TAFA2: variants seen among roughly 807,000 people sequenced by gnomAD.
TAFA2 encodes the protein chemokine-like protein TAFA-2.
Under a neutral mutation model 18.8 loss-of-function variants are expected in TAFA2, and 7 were observed. That is an observed-to-expected ratio of 0.37 (90% CI 0.21 to 0.70). The LOEUF (loss-of-function observed/expected upper bound fraction) is 0.70. Ranked by LOEUF, TAFA2 falls within the 30% of genes least tolerant of loss-of-function variation. The pLI is 0.53. For synonymous variants in TAFA2, 60 were observed against 54.2 expected, an observed-to-expected ratio of 1.11 and a Z score of -0.47; for missense variants, 122 against 158.1, an observed-to-expected ratio of 0.77 and a Z score of 1.23.
At chr12:62,047,093 A>C (rs1280628797) in intron 1 of TAFA2, among the ~76,000 whole-genome samples, 1 of 152,090 alleles carries the variant, frequency 6.6e-6, no homozygotes, top group Non-Finnish European at 1.5e-5. Context: ...AATAATAATA[A>C]TTAGGTCAGG....
chr12:61,921,796 C>A (rs933317856), intron 1 of TAFA2, among the ~76,000 whole-genome samples: 2 of 151,944 alleles, frequency 1.3e-5, no homozygotes, highest in African/African-American at 2.4e-5. Flanking sequence ...ACAGAAAAGA[C>A]AACAGGAATA....
chr12:62,106,129 T>C (rs1869439063), intron 1 of TAFA2, among the ~76,000 whole-genome samples: 1 of 151,754 alleles, frequency 6.6e-6, no homozygotes, highest in Admixed American at 6.6e-5. Context: ...GGTCAGGAGT[T>C]TGAGACCAGC....
intron 1 of TAFA2, among the ~76,000 whole-genome samples, chr12:62,224,074 T>C (rs947761843): frequency 6.5e-5 from 9 of 138,296 alleles, no homozygotes; most frequent in African/African-American, 2.8e-4. Flanking sequence ...ATGTGTTTTA[T>C]ATGTGCATAC....
chr12:62,025,551 T>C (rs1881284971), intron 1 of TAFA2, among the ~76,000 whole-genome samples: 1 of 152,176 alleles, frequency 6.6e-6, no homozygotes, highest in Non-Finnish European at 1.5e-5. Context: ...ATGGACTGTT[T>C]GTACTTAAAT....
intron 1 of TAFA2, among the ~76,000 whole-genome samples, chr12:62,019,895 A>G (rs1881071912): frequency 6.6e-6 from 1 of 152,196 alleles, no homozygotes; most frequent in East Asian, 1.9e-4. Context: ...CTGATTCTTA[A>G]GTTTCCAATT....
chr12:61,866,725 G>A (rs1399541610), intron 2 of TAFA2, among the ~76,000 whole-genome samples: 1 of 151,976 alleles, frequency 6.6e-6, no homozygotes, highest in Admixed American at 6.6e-5. Context: ...TCCAAGTGGT[G>A]GTCAAAGTGG....
intron 1 of TAFA2, among the ~76,000 whole-genome samples, chr12:62,088,464 AC>A (rs779896636): frequency 1.3e-5 from 2 of 152,000 alleles, no homozygotes; most frequent in Non-Finnish European, 2.9e-5. Context: ...TCAGACAGAG[AC>A]AAAGAACATG....
intron 1 of TAFA2, among the ~76,000 whole-genome samples, chr12:62,072,948 T>C (rs1416012884): frequency 6.6e-6 from 1 of 152,258 alleles, no homozygotes; most frequent in East Asian, 1.9e-4. Flanking sequence ...TAGTTAGCTC[T>C]TAAATGATAG....
upstream of TAFA2, chr12:62,192,853 G>A (rs1366709979): frequency 6.6e-6 from 1 of 152,214 alleles, no homozygotes; most frequent in Non-Finnish European, 1.5e-5. Flanking sequence ...GCTGGACTAT[G>A]TCTCCCTCTA....
At chr12:62,056,861 G>A (rs1356352968) in intron 1 of TAFA2, among the ~76,000 whole-genome samples, 1 of 152,146 alleles carries the variant, frequency 6.6e-6, no homozygotes, top group Non-Finnish European at 1.5e-5. Context: ...AAAAAAGATG[G>A]GGGCCCGAAG....
chr12:61,807,392 C>T (rs1439176175), intron 2 of TAFA2, among the ~76,000 whole-genome samples: 2 of 151,316 alleles, frequency 1.3e-5, no homozygotes, highest in Admixed American at 6.6e-5. Context: ...AGAAGATGTA[C>T]GGAAGTGCCT....
intron 1 of TAFA2, among the ~76,000 whole-genome samples, chr12:61,937,304 C>A (rs1456762589): frequency 6.6e-6 from 1 of 150,878 alleles, no homozygotes; most frequent in Non-Finnish European, 1.5e-5. Context: ...TAGAAAAAAA[C>A]ATTAAAATTC....
intron 1 of TAFA2, among the ~76,000 whole-genome samples, chr12:62,000,341 T>C (rs1368542452): frequency 6.8e-6 from 1 of 146,126 alleles, no homozygotes; most frequent in African/African-American, 2.5e-5. Flanking sequence ...CAGCACATAG[T>C]AGTTGGCAAA....
chr12:61,782,101 A>C (rs1870529678), intron 2 of TAFA2, among the ~76,000 whole-genome samples: 1 of 151,596 alleles, frequency 6.6e-6, no homozygotes, highest in Non-Finnish European at 1.5e-5. Flanking sequence ...TTTGATCCCG[A>C]AGGTATAAAA....
chr12:61,772,984 C>A lies in TAFA2; in HGVS notation c.107-17960G>T, dbSNP rs1395095556. Among the ~76,000 whole-genome samples the A allele has an allele frequency of 2.6e-5, 4 of 151,776 alleles. No individual in the cohort carries two copies. In the East Asian group the frequency reaches 5.8e-4, roughly 22 times the overall value. Reference sequence around the variant, plus strand: ...TCCTAAAGACTCACCCAGAAAGCTCCTAGGACTGATAAATTCAGTAAAGTT... The same window carrying A: ...TCCTAAAGACTCACCCAGAAAGCTCATAGGACTGATAAATTCAGTAAAGTT... On this transcript the variant is annotated intron_variant, in intron 2 of 4. Transcript: ENST00000416284.
intron 2 of TAFA2, among the ~76,000 whole-genome samples, chr12:61,843,965 A>C (rs769254573): frequency 6.6e-6 from 1 of 152,172 alleles, no homozygotes; most frequent in South Asian, 2.1e-4. Context: ...GTTACTTGGA[A>C]AGAGAAAATG....
chr12:61,947,747 G>C (rs914271960), intron 1 of TAFA2, among the ~76,000 whole-genome samples: 2 of 152,122 alleles, frequency 1.3e-5, no homozygotes, highest in African/African-American at 4.8e-5. Flanking sequence ...GTAAGTGATA[G>C]CTGTAATACA....
intron 1 of TAFA2, among the ~76,000 whole-genome samples, chr12:61,975,459 G>C (rs1048315451): frequency 1.8e-4 from 26 of 148,154 alleles, no homozygotes; most frequent in African/African-American, 6.0e-4. Flanking sequence ...TGTCTTTCAG[G>C]GTCATCCATT....
chr12:62,081,010 C>T (rs567223354), intron 1 of TAFA2, among the ~76,000 whole-genome samples: 2 of 152,208 alleles, frequency 1.3e-5, no homozygotes, highest in South Asian at 2.1e-4. Flanking sequence ...CTGCCTGACA[C>T]GGTGAAACCC....
Sources: allele counts gnomAD v4.1 joint callset (sites outside exome capture counted in the v4.1 genomes callset), GRCh38; gene constraint gnomAD v4.1.1; transcripts MANE v1.5; gene names NCBI Gene and HGNC (gene_info 2026-07-23, HGNC 2026-07-21).